CDH18: variants seen among roughly 807,000 people sequenced by gnomAD.
CDH18 encodes the protein cadherin-18.
In CDH18, 31 loss-of-function variants were observed where a neutral mutation model predicts 67.9. The observed-to-expected ratio is 0.46, with a 90% CI of 0.34 to 0.62. The LOEUF (loss-of-function observed/expected upper bound fraction) is 0.62. CDH18 is among the 20% of genes least tolerant of loss of function. CDH18 has a pLI of 0.01. For synonymous variants in CDH18, 362 were observed against 347.2 expected (o/e 1.04, Z -0.48); for missense variants, 890 against 975.5 (o/e 0.91, Z 1.17).
intron 3 of CDH18, among the ~76,000 whole-genome samples, chr5:19,828,192 A>G (rs1023815886): frequency 1.6e-4 from 24 of 152,312 alleles, no homozygotes; most frequent in South Asian, 4.1e-4. Context: ...GAATCCCTGA[A>G]TACAATAATA....
At chr5:19,944,904 T>C (rs2059642880) in intron 2 of CDH18, among the ~76,000 whole-genome samples, 1 of 152,092 alleles carries the variant, frequency 6.6e-6, no homozygotes, top group Non-Finnish European at 1.5e-5. Flanking sequence ...TTCTGTTCAT[T>C]TACCATTACA....
chr5:19,920,224 T>G (rs1186197158), intron 2 of CDH18, among the ~76,000 whole-genome samples: 3 of 152,240 alleles, frequency 2.0e-5, no homozygotes, highest in African/African-American at 7.2e-5. Flanking sequence ...ATTTTGACTT[T>G]ATTATATAAT....
rs938703501 is a variant in CDH18 at position 19,713,002 on chromosome 5, G to A, written c.643+8345C>T. ...GGTTTAAAGACTAAAGAACACAATCGCAATGTTTCCTGTTATCTATTGATT... is the reference window on the plus strand; with the variant it reads ...GGTTTAAAGACTAAAGAACACAATCACAATGTTTCCTGTTATCTATTGATT... On this transcript the variant is annotated intron_variant, in intron 5 of 12. Coordinates refer to ENST00000382275, the MANE Select transcript of CDH18 (RefSeq NM_004934.5). Among the ~76,000 whole-genome samples, 7 of 151,796 alleles carry A rather than the reference G, an allele frequency of 4.6e-5. No homozygotes were observed. The South Asian group carries it at 1.0e-3, about 22-fold the overall frequency.
At chr5:20,334,816 G>A (rs1164800536) in intron 1 of CDH18, among the ~76,000 whole-genome samples, 3 of 140,558 alleles carry the variant, frequency 2.1e-5, no homozygotes, top group South Asian at 2.3e-4. Context: ...CCTCAATAAA[G>A]CACAACCTGA....
chr5:20,332,698 A>G (rs948727662), intron 1 of CDH18, among the ~76,000 whole-genome samples: 2 of 152,238 alleles, frequency 1.3e-5, no homozygotes, highest in African/African-American at 2.4e-5. Flanking sequence ...AAACAATTCT[A>G]ATATTAAATA....
At chr5:20,134,528 A>C (rs946075740) in intron 2 of CDH18, among the ~76,000 whole-genome samples, 1 of 152,052 alleles carries the variant, frequency 6.6e-6, no homozygotes, top group African/African-American at 2.4e-5. Context: ...AACATCTTTT[A>C]TATTTTTCTA....
chr5:20,464,987 T>G (rs1466234493), intron 1 of CDH18, among the ~76,000 whole-genome samples: 1 of 152,086 alleles, frequency 6.6e-6, no homozygotes, highest in East Asian at 1.9e-4. Context: ...ACATTGGATT[T>G]GTTAATTAAT....
At chr5:19,579,898 A>ACCC (rs150006454) in intron 7 of CDH18, among the ~76,000 whole-genome samples, 480 of 149,438 alleles carry the variant, frequency 3.2e-3, no homozygotes, top group African/African-American at 7.2e-3. Context: ...CCTTCAATCC[A>ACCC]CCCCCCCCAA....
At chr5:20,360,181 G>A (rs1005150264) in intron 1 of CDH18, among the ~76,000 whole-genome samples, 1 of 143,838 alleles carries the variant, frequency 7.0e-6, no homozygotes, top group Admixed American at 6.8e-5. Context: ...TAAACCATTA[G>A]ATAAACATTA....
chr5:19,646,626 C>T (rs1309318432), intron 5 of CDH18, among the ~76,000 whole-genome samples: 3 of 152,028 alleles, frequency 2.0e-5, no homozygotes, highest in Admixed American at 2.0e-4. Flanking sequence ...TAGGTGTGAG[C>T]CACCACGCCC....
chr5:19,960,693 G>T (rs1181290433), intron 2 of CDH18, among the ~76,000 whole-genome samples: 7 of 126,680 alleles, frequency 5.5e-5, no homozygotes, highest in Non-Finnish European at 9.2e-5. Context: ...ACATATACAC[G>T]TGTATATATG....
At chr5:20,124,353 G>A (rs1449243347) in intron 2 of CDH18, among the ~76,000 whole-genome samples, 1 of 152,160 alleles carries the variant, frequency 6.6e-6, no homozygotes, top group Non-Finnish European at 1.5e-5. Context: ...CTGCAAACAA[G>A]CACAGCATGC....
intron 5 of CDH18, among the ~76,000 whole-genome samples, chr5:19,629,418 A>G (rs1336564122): frequency 6.6e-6 from 1 of 152,174 alleles, no homozygotes; most frequent in Non-Finnish European, 1.5e-5. Flanking sequence ...AATGATAACT[A>G]TGAACAAAAA....
chr5:20,053,151 T>C (rs1580130521), intron 2 of CDH18, among the ~76,000 whole-genome samples: 1 of 151,992 alleles, frequency 6.6e-6, no homozygotes, highest in South Asian at 2.1e-4. Flanking sequence ...TATTTTTACA[T>C]TGTTAACACA....
chr5:19,922,195 A>G (rs1792560825), intron 2 of CDH18, among the ~76,000 whole-genome samples: 1 of 152,222 alleles, frequency 6.6e-6, no homozygotes, highest in Non-Finnish European at 1.5e-5. Context: ...AATCCCTCTA[A>G]TATAAAATAA....
chr5:20,173,325 G>A (rs1187230443), intron 2 of CDH18, among the ~76,000 whole-genome samples: 1 of 152,154 alleles, frequency 6.6e-6, no homozygotes, highest in East Asian at 1.9e-4. Flanking sequence ...AATCTCGGAA[G>A]TCAACGACCC....
At chr5:20,146,730 G>C (rs1299503360) in intron 2 of CDH18, among the ~76,000 whole-genome samples, 2 of 151,654 alleles carry the variant, frequency 1.3e-5, no homozygotes, top group African/African-American at 4.8e-5. Flanking sequence ...AACAAAGTAA[G>C]CTACATAAAC....
At chr5:20,409,882 G>A (rs1746617499) in intron 1 of CDH18, among the ~76,000 whole-genome samples, 1 of 151,408 alleles carries the variant, frequency 6.6e-6, no homozygotes, top group Admixed American at 6.6e-5. Context: ...AAGAAACCAG[G>A]TAAACTAGAA....
intron 1 of CDH18, among the ~76,000 whole-genome samples, chr5:20,430,147 G>A (rs1380228642): frequency 6.6e-6 from 1 of 152,134 alleles, no homozygotes; most frequent in Non-Finnish European, 1.5e-5. Context: ...CACTACATTG[G>A]TTTTGAAATA....
Sources: gnomAD v4.1 joint callset for allele counts (sites outside exome capture counted in the v4.1 genomes callset) on GRCh38, gnomAD v4.1.1 for gene constraint, MANE v1.5 for transcripts, NCBI Gene and HGNC (gene_info 2026-07-23, HGNC 2026-07-21) for gene names.